Variants in AQP4 observed in about 807,000 individuals in gnomAD.
The protein encoded by AQP4 is aquaporin-4.
In AQP4, 18 loss-of-function variants were observed where a neutral mutation model predicts 27.8. That is an observed-to-expected ratio of 0.65 (90% CI 0.45 to 0.96). AQP4 has a LOEUF of 0.96. Among genes scored for constraint, AQP4 ranks in the 40% least tolerant of loss-of-function variants. The probability of loss-of-function intolerance (pLI) is 0.00; values close to 1 mark genes in which losing one functional copy is unlikely to be tolerated. For synonymous variants in AQP4, 141 were observed against 142.9 expected (o/e 0.99, Z 0.10); for missense variants, 412 against 408.2 (o/e 1.01, Z -0.08).
intron 4 of AQP4, among the ~76,000 whole-genome samples, chr18:26,858,418 C>G (rs1188991959): frequency 6.6e-6 from 1 of 152,120 alleles, no homozygotes; most frequent in Non-Finnish European, 1.5e-5. Flanking sequence ...ACACCCTCTG[C>G]AAATTAATCT....
chr18:26,865,518 C>A, intron 1 of AQP4, 140 bp downstream of exon 1: 1 of 1,039,604 alleles, frequency 9.6e-7, no homozygotes, highest in East Asian at 2.4e-5. Context: ...ATGCCCAGTA[C>A]TCAGATCTAA....
At chr18:26,858,658 T>G (rs1182160604) in intron 4 of AQP4, among the ~76,000 whole-genome samples, 1 of 152,202 alleles carries the variant, frequency 6.6e-6, no homozygotes, top group Non-Finnish European at 1.5e-5. Context: ...TCATTAGACA[T>G]GTACTATTCC....
chr18:26,858,106 C>T (rs908974921), intron 4 of AQP4, among the ~76,000 whole-genome samples: 3 of 151,548 alleles, frequency 2.0e-5, no homozygotes, highest in African/African-American at 7.3e-5. Context: ...CCTGTCTCTA[C>T]AAAATACAAA....
At chr18:26,862,760 T>G (rs1329422012) in intron 1 of AQP4, 164 bp from the exon 2 acceptor site, 2 of 828,972 alleles carry the variant, frequency 2.4e-6, no homozygotes, top group Non-Finnish European at 2.0e-6. Context: ...TCATGAATAG[T>G]CAAGAGACTG....
chr18:26,862,583 A>G lies in AQP4; in HGVS notation c.46T>C (p.Leu16=). The change falls in exon 2 of 5, where the codon TTG becomes CTG. Residue 16 remains leucine, a synonymous_variant. Transcript: ENST00000383168. Reference sequence around the variant, plus strand: ...ACCATGATGTTCTCTCTGGTACACAAAGGTCCACACTTACTGAAAAGAGAA... The same window carrying G: ...ACCATGATGTTCTCTCTGGTACACAGAGGTCCACACTTACTGAAAAGAGAA... ...TARRWGKCGP[L]CTRENIMVAF... is the part of the protein sequence containing the mutation. 1 of 1,613,982 alleles carries G rather than the reference A, an allele frequency of 6.2e-7. No homozygotes were observed. Among genetic ancestry groups the G allele is most frequent in the Non-Finnish European group, 8.5e-7 (1 of 1,180,014 alleles).
In AQP4 at chr18:26,853,347, T is replaced by C. The variant is rs1197477868; in HGVS notation, c.*2864A>G. ...AGGTTAAGGCTCTTTGAAGAAAATG[T>C]TATCTTCAACAATGGAAACATACAT... is the stretch of plus-strand genomic sequence containing the variant. On this transcript the variant is annotated 3_prime_UTR_variant, in exon 5 of 5. Transcript: ENST00000383168. The C allele has an allele frequency of 1.3e-5, 2 of 153,568 alleles. No homozygotes were observed. Among genetic ancestry groups the C allele is most frequent in the African/African-American group, 4.8e-5 (2 of 41,540 alleles). The allele number at this position is 153,568 out of a possible 1,614,324, so 9.5% of individuals were successfully genotyped here. A position where few individuals can be genotyped will look rare whatever the true frequency, so the allele number is the denominator to read the frequency against.
At position 26,865,670 on chromosome 18, in the gene AQP4, G is replaced by T; in HGVS notation, c.20C>A (p.Ala7Glu). 1 of 1,614,198 alleles carries T rather than the reference G, an allele frequency of 6.2e-7. No homozygotes were observed. The highest frequency in any genetic ancestry group is 8.5e-7 in the Non-Finnish European group (1 of 1,180,038). MSDRPT[A>E]RRWGKCGPLC... Reference sequence around the variant, plus strand: ...AAGAAGGACTTACCCCCACCGCCTTGCTGTGGGTCTGTCACTCATGCCTTC... The same window carrying T: ...AAGAAGGACTTACCCCCACCGCCTTTCTGTGGGTCTGTCACTCATGCCTTC... The change falls in exon 1 of 5, where the codon GCA (alanine) becomes GAA (glutamate). Residue 7 changes from alanine (A) to glutamate (E), a missense_variant. By Grantham distance (107) the Ala-to-Glu change is moderately radical. Transcript: ENST00000383168.
chr18:26,854,233 A>G lies in AQP4; in HGVS notation c.*1978T>C, dbSNP rs1369961198. ...GCCAGTATATTGTAAGTGTATTCAA[A>G]AAATCTGCTTAACACTTCCTTGTTA... On this transcript the variant is annotated 3_prime_UTR_variant, in exon 5 of 5. Coordinates refer to ENST00000383168, the MANE Select transcript of AQP4 (RefSeq NM_001650.7). 2 of 152,256 alleles carry G rather than the reference A, an allele frequency of 1.3e-5. No homozygotes were observed. Among genetic ancestry groups the G allele is most frequent in the African/African-American group, 4.8e-5 (2 of 41,472 alleles). 9.4% of individuals were successfully genotyped at this position (152,256 alleles called of 1,614,324 possible).
In AQP4 at chr18:26,860,857, A is replaced by G; in HGVS notation, c.613-5T>C. On this transcript the variant is annotated splice_polypyrimidine_tract_variant and splice_region_variant and intron_variant, in intron 3 of 4. Transcript: ENST00000383168. ...GCTGGCACCAGTATAATTGATCTAT[A>G]GGAAACAAGAAAACAACTTCAGACA... 1 of 1,613,682 alleles carries G rather than the reference A, an allele frequency of 6.2e-7. No homozygotes were observed. Among genetic ancestry groups the G allele is most frequent in the Non-Finnish European group, 8.5e-7 (1 of 1,179,546 alleles).
rs1316232427 is a variant in AQP4, at chr18:26,862,501, A to C, written c.128T>G (p.Leu43Arg). The change falls in exon 2 of 5, where the codon CTG becomes CGG. Residue 43 changes from leucine (L) to arginine (R), a missense_variant. Coordinates refer to ENST00000383168, the MANE Select transcript of AQP4 (RefSeq NM_001650.7). The stretch of plus-strand genomic sequence containing the variant: ...GAGGAGAACAAAAATAAGCATGGCC[A>C]GAAATTCCGCTGTGACTGCTTTCCA... ...AFWKAVTAEF[L>R]AMLIFVLLSL... 1.2e-6 allele frequency: 2 copies of C among 1,614,126 alleles called. No individual in the cohort carries two copies. The highest frequency in any genetic ancestry group is 1.7e-6 in the Non-Finnish European group (2 of 1,180,044).
rs766243851 is a variant in AQP4 at position 26,856,238 on chromosome 18, T to C, written c.945A>G (p.Gln315=). ...DRGEEKKGKD[Q]SGEVLSSV is the part of the protein sequence containing the mutation. Reference sequence around the variant, plus strand: ...ATACTGAAGACAATACCTCTCCAGATTGGTCTTTCCCCTTCTTCTCCTCTC... The same window carrying C: ...ATACTGAAGACAATACCTCTCCAGACTGGTCTTTCCCCTTCTTCTCCTCTC... Residue 315 remains glutamine (Q), a synonymous_variant, in exon 5 of 5, where the codon CAA becomes CAG. Coordinates refer to ENST00000383168, the MANE Select transcript of AQP4 (RefSeq NM_001650.7). 17 of 1,614,038 alleles carry C rather than the reference T, an allele frequency of 1.1e-5. No individual in the cohort carries two copies. Among genetic ancestry groups the C allele is most frequent in the African/African-American group, 2.7e-5 (2 of 74,912 alleles).
chr18:26,861,263 G>A lies in AQP4; in HGVS notation c.480C>T (p.Leu160=), dbSNP rs150051046. ...GAAATGTGATTATCAACTCAACCAGGAGACCATGACCAGCGGTAAGATTTC... is the reference window on the plus strand; with the variant it reads ...GAAATGTGATTATCAACTCAACCAGAAGACCATGACCAGCGGTAAGATTTC... ...VHGNLTAGHG[L]LVELIITFQL... Residue 160 remains leucine, a synonymous_variant, in exon 3 of 5, where the codon CTC becomes CTT. Coordinates refer to ENST00000383168, the MANE Select transcript of AQP4 (RefSeq NM_001650.7). 1.2e-6 allele frequency: 2 copies of A among 1,614,074 alleles called. No individual in the cohort carries two copies. Among genetic ancestry groups the A allele is most frequent in the South Asian group, 2.2e-5 (2 of 91,076 alleles).
chr18:26,862,601 A>G lies in AQP4; in HGVS notation c.33-5T>C. The G allele has an allele frequency of 1.9e-6, 3 of 1,613,860 alleles. No homozygotes were observed. In the South Asian group the frequency reaches 3.3e-5, roughly 18 times the overall value. ...GTACACAAAGGTCCACACTTACTGA[A>G]AAGAGAAACAAATCAGCATCAGAAG... On this transcript the variant is annotated splice_region_variant and splice_polypyrimidine_tract_variant and intron_variant, in intron 1 of 4. Coordinates refer to ENST00000383168, the MANE Select transcript of AQP4 (RefSeq NM_001650.7).
Position 26,862,248 on chromosome 18 carries a change from G to C in AQP4, c.381C>G (p.Ile127Met). Residue 127 changes from isoleucine (I) to methionine (M), a missense_variant, in exon 2 of 5, where the codon ATC (isoleucine) becomes ATG (methionine). Coordinates refer to ENST00000383168, the MANE Select transcript of AQP4 (RefSeq NM_001650.7). The part of the protein sequence containing the change: ...FYIAAQCLGA[I>M]IGAGILYLVT... ...CCAGATAGAGGATTCCTGCTCCAAT[G>C]ATGGCCCCCAGGCACTGGGCTGCGA... 3 of 1,614,154 alleles carry C rather than the reference G, an allele frequency of 1.9e-6. No individual in the cohort carries two copies. The highest frequency in any genetic ancestry group is 1.1e-5 in the South Asian group (1 of 91,078).
chr18:26,856,148 G>T lies in AQP4; in HGVS notation c.*63C>A. The T allele has an allele frequency of 6.3e-7, 1 of 1,575,470 alleles. No individual in the cohort carries two copies. On this transcript the variant is annotated 3_prime_UTR_variant, in exon 5 of 5. Coordinates refer to ENST00000383168, the MANE Select transcript of AQP4 (RefSeq NM_001650.7). The stretch of plus-strand genomic sequence containing the variant: ...TTTATAACAAATCTGTTTCCTTAAT[G>T]GGTGGAAGGAAATCTGAGGACAGTT...
In AQP4 at chr18:26,852,966, G is replaced by T. The variant is rs2054776827; in HGVS notation, c.*3245C>A. ...CCTTCTAGGATTCATCTTACCATTT[G>T]AATTTACTGCTCTAGTTTGGAATTT... On this transcript the variant is annotated 3_prime_UTR_variant, in exon 5 of 5. Coordinates refer to ENST00000383168, the MANE Select transcript of AQP4 (RefSeq NM_001650.7). 2 of 398,184 alleles carry T rather than the reference G, an allele frequency of 5.0e-6. No homozygotes were observed. The highest frequency in any genetic ancestry group is 1.3e-4 in the South Asian group (1 of 7,826). The allele number at this position is 398,184 out of a possible 1,614,324, so 24.7% of individuals were successfully genotyped here.
intron 1 of AQP4, among the ~76,000 whole-genome samples, chr18:26,864,761 G>A (rs1469388157): frequency 6.6e-6 from 1 of 152,108 alleles, no homozygotes; most frequent in Non-Finnish European, 1.5e-5. Flanking sequence ...CAAAACAGTA[G>A]GCTAAGGAAG....
At chr18:26,860,683 G>T in intron 4 of AQP4, 89 bp downstream of exon 4, 3 of 1,158,354 alleles carry the variant, frequency 2.6e-6, no homozygotes, top group Admixed American at 1.7e-5. Flanking sequence ...GCAAGAGAAA[G>T]TAGTAGGCAA....
At chr18:26,859,664 G>A (rs980442446) in intron 4 of AQP4, among the ~76,000 whole-genome samples, 1 of 152,182 alleles carries the variant, frequency 6.6e-6, no homozygotes, top group Non-Finnish European at 1.5e-5. Context: ...GTCTTGGTTT[G>A]AACGCTGACT....
Sources: gnomAD v4.1 joint callset for allele counts (sites outside exome capture counted in the v4.1 genomes callset) on GRCh38, gnomAD v4.1.1 for gene constraint, MANE v1.5 for transcripts, NCBI Gene and HGNC (gene_info 2026-07-23, HGNC 2026-07-21) for gene names.